Variants in LY96 observed in about 807,000 individuals in gnomAD.
LY96 encodes the protein myeloid differentiation protein-2.
LY96 carries 18 observed loss-of-function variants against 18.9 expected under a neutral mutation model. The ratio of observed to expected loss-of-function variants is 0.95; its 90% confidence interval spans 0.66 to 1.41. The LOEUF (loss-of-function observed/expected upper bound fraction) is 1.41. LY96 is among the 40% of genes most tolerant of loss of function. The pLI is 0.00. For synonymous variants in LY96, 66 were observed against 62.6 expected (o/e 1.06, Z -0.26); for missense variants, 175 against 182.4 (o/e 0.96, Z 0.23).
At chr8:74,042,713 T>G in the LY96 span, among the ~76,000 whole-genome samples, 2 of 152,054 alleles carry the variant, frequency 1.3e-5, no homozygotes, top group African/African-American at 4.8e-5. Context: ...TAGGTTCTAG[T>G]CTTTAGTAGT....
chr8:74,041,543 C>T, the LY96 span, among the ~76,000 whole-genome samples: 16 of 152,094 alleles, frequency 1.1e-4, no homozygotes, highest in African/African-American at 3.9e-4. Flanking sequence ...AAATTATTTT[C>T]CTAGCAAGGA....
At chr8:74,081,122 T>TTTCTTTCCTTCC in the LY96 span, among the ~76,000 whole-genome samples, 10 of 124,228 alleles carry the variant, frequency 8.0e-5, no homozygotes, top group African/African-American at 3.1e-4. Context: ...TCTTTCTTTC[T>TTTCTTTCCTTCC]TTCCTTCCTT....
chr8:74,035,883 C>T, the LY96 span, among the ~76,000 whole-genome samples: 1 of 152,074 alleles, frequency 6.6e-6, no homozygotes, highest in Non-Finnish European at 1.5e-5. Context: ...GTTGTTTTGC[C>T]CTTCTAGATC....
At chr8:74,093,644 A>C in the LY96 span, among the ~76,000 whole-genome samples, 3 of 152,188 alleles carry the variant, frequency 2.0e-5, no homozygotes, top group Non-Finnish European at 2.9e-5. Flanking sequence ...AGCAGATTGC[A>C]TGAGACAAGC....
the LY96 span, among the ~76,000 whole-genome samples, chr8:74,071,358 T>A: frequency 6.6e-6 from 1 of 152,136 alleles, no homozygotes; most frequent in Admixed American, 6.5e-5. Flanking sequence ...AAATAGTTCT[T>A]CTTCTTTCAG....
chr8:74,092,679 T>C, the LY96 span, among the ~76,000 whole-genome samples: 50 of 152,312 alleles, frequency 3.3e-4, 1 homozygote, highest in South Asian at 4.2e-3. Flanking sequence ...CACCCAAACT[T>C]TCACCTCCTC....
the LY96 span, among the ~76,000 whole-genome samples, chr8:74,039,207 A>T: frequency 6.6e-6 from 1 of 152,202 alleles, no homozygotes; most frequent in Non-Finnish European, 1.5e-5. Flanking sequence ...TCTTTTGTTC[A>T]TTTAAAAATT....
the LY96 span, among the ~76,000 whole-genome samples, chr8:74,058,594 A>G: frequency 6.7e-6 from 1 of 150,328 alleles, no homozygotes; most frequent in East Asian, 2.0e-4. Context: ...ATCTCGGCTC[A>G]CTGCAACCTC....
chr8:74,071,938 GT>G, the LY96 span, among the ~76,000 whole-genome samples: 1 of 152,006 alleles, frequency 6.6e-6, no homozygotes, highest in African/African-American at 2.4e-5. Context: ...CGTTTGAGTT[GT>G]TTCTAGTTTT....
chr8:74,099,587 A>AT, the LY96 span: 6 of 152,194 alleles, frequency 3.9e-5, no homozygotes, highest in South Asian at 2.1e-4. Context: ...TAACACTGCC[A>AT]TTTTTTGTAC....
chr8:74,005,127 C>T, intron 2 of LY96, among the ~76,000 whole-genome samples: 1 of 152,166 alleles, frequency 6.6e-6, no homozygotes, highest in East Asian at 1.9e-4. Flanking sequence ...AAGGTGTTTG[C>T]CAGGCTGGAG....
intron 1 of LY96, among the ~76,000 whole-genome samples, chr8:74,002,892 G>A (rs1257738786): frequency 6.6e-6 from 1 of 152,142 alleles, no homozygotes; most frequent in African/African-American, 2.4e-5. Context: ...CATGATTTCT[G>A]TGTGGTCCTT....
chr8:74,059,656 A>G, the LY96 span, among the ~76,000 whole-genome samples: 2 of 152,344 alleles, frequency 1.3e-5, no homozygotes, highest in Non-Finnish European at 2.9e-5. Flanking sequence ...TAAATTTCCA[A>G]AAAAGTTAAA....
At chr8:74,068,685 T>G in the LY96 span, among the ~76,000 whole-genome samples, 1 of 152,250 alleles carries the variant, frequency 6.6e-6, no homozygotes, top group Non-Finnish European at 1.5e-5. Flanking sequence ...TTTGCAATGA[T>G]GTTGAGAATT....
the LY96 span, among the ~76,000 whole-genome samples, chr8:74,073,000 G>T: frequency 1.3e-5 from 2 of 152,242 alleles, no homozygotes; most frequent in Non-Finnish European, 2.9e-5. Context: ...CCCTGTGTCT[G>T]TGTGAGCCTG....
chr8:74,080,593 C>G, the LY96 span, among the ~76,000 whole-genome samples: 1 of 152,240 alleles, frequency 6.6e-6, no homozygotes, highest in African/African-American at 2.4e-5. Flanking sequence ...ACCTTCTCCA[C>G]TGTCAGTTTG....
chr8:74,019,201 G>A (rs1043438541), intron 3 of LY96, among the ~76,000 whole-genome samples: 4 of 151,248 alleles, frequency 2.6e-5, no homozygotes, highest in African/African-American at 9.7e-5. Flanking sequence ...AAAGAGAGAA[G>A]AATCAAATAG....
rs1439603112 is a variant in LY96, at chr8:74,028,980, G to A, written c.409G>A (p.Ala137Thr). 3.1e-6 allele frequency: 5 copies of A among 1,609,278 alleles called. No homozygotes were observed. The highest frequency in any genetic ancestry group is 4.3e-6 in the Non-Finnish European group (5 of 1,176,308). ...SKGKYKCVVE[A>T]ISGSPEEMLF... ...GGGAAAATACAAATGTGTTGTTGAA[G>A]CTATTTCTGGGAGCCCAGAAGAAAT... Residue 137 changes from alanine (A) to threonine (T), a missense_variant, in exon 5 of 5, where the codon GCT becomes ACT. By Grantham distance (58) the Ala-to-Thr change is moderately conservative. Coordinates refer to ENST00000284818, the MANE Select transcript of LY96 (RefSeq NM_015364.5).
At chr8:74,043,654 A>G in the LY96 span, among the ~76,000 whole-genome samples, 1 of 152,182 alleles carries the variant, frequency 6.6e-6, no homozygotes, top group Non-Finnish European at 1.5e-5. Flanking sequence ...GATTACATAC[A>G]CTGGTTGAAA....
Sources: gnomAD v4.1 joint callset for allele counts (sites outside exome capture counted in the v4.1 genomes callset) on GRCh38, gnomAD v4.1.1 for gene constraint, MANE v1.5 for transcripts, NCBI Gene and HGNC (gene_info 2026-07-23, HGNC 2026-07-21) for gene names.